RBFOX1: variants seen among roughly 807,000 people sequenced by gnomAD.
The protein encoded by RBFOX1 is RNA binding protein fox-1 homolog 1.
In RBFOX1, 8 loss-of-function variants were observed where a neutral mutation model predicts 57.7. That is an observed-to-expected ratio of 0.14 (90% confidence interval 0.08 to 0.25). The LOEUF is 0.25. Among genes scored for constraint, RBFOX1 ranks in the 10% least tolerant of loss-of-function variants. The pLI is 1.00. For synonymous variants in RBFOX1, 326 were observed against 222.4 expected, an observed-to-expected ratio of 1.47 and a Z score of -4.15; for missense variants, 611 against 548.5, an observed-to-expected ratio of 1.11 and a Z score of -1.14.
At chr16:7,006,817 A>T (rs28719484) in intron 3 of RBFOX1, among the ~76,000 whole-genome samples, 1 of 152,086 alleles carries the variant, frequency 6.6e-6, no homozygotes, top group Admixed American at 6.5e-5. Flanking sequence ...TCACCTGCCC[A>T]AGAACCCTCA....
At chr16:6,339,622 G>C (rs1168461502) in intron 2 of RBFOX1, among the ~76,000 whole-genome samples, 1 of 151,792 alleles carries the variant, frequency 6.6e-6, no homozygotes, top group Non-Finnish European at 1.5e-5. Context: ...TGTTGGATTT[G>C]ATAAACATCT....
At chr16:6,348,712 G>A (rs182845163) in intron 2 of RBFOX1, among the ~76,000 whole-genome samples, 18 of 152,120 alleles carry the variant, frequency 1.2e-4, no homozygotes, top group African/African-American at 4.3e-4. Context: ...TTAAACAACC[G>A]GATGTCCCGA....
chr16:6,317,043 C>G lies in RBFOX1; in HGVS notation c.-78C>G. 6.5e-7 allele frequency: 1 copy of G among 1,535,238 alleles called. No homozygotes were observed. Among genetic ancestry groups the G allele is most frequent in the Non-Finnish European group, 8.7e-7 (1 of 1,146,314 alleles). ...AAGTGGAACTTACAGCTTCCTTGAT[C>G]GGACTCAGCATTCAGTAAGTGCAAC... On this transcript the variant is annotated 5_prime_UTR_variant, in exon 2 of 16. The change creates a new upstream start codon in the 5' untranslated region. Coordinates refer to ENST00000550418, the MANE Select transcript of RBFOX1 (RefSeq NM_018723.4).
chr16:7,137,728 A>C (rs1250885972), intron 4 of RBFOX1, among the ~76,000 whole-genome samples: 1 of 152,210 alleles, frequency 6.6e-6, no homozygotes, highest in Non-Finnish European at 1.5e-5. Flanking sequence ...CAAAGGAATA[A>C]TGGTGGTAAA....
At chr16:6,808,330 C>G (rs111639622) in intron 3 of RBFOX1, among the ~76,000 whole-genome samples, 4,194 of 152,048 alleles carry the variant, frequency 0.028, 200 homozygotes, top group African/African-American at 0.095. Flanking sequence ...TGATTCCCAT[C>G]TGATTATGCC....
chr16:6,592,567 A>G (rs1327538686), intron 2 of RBFOX1, among the ~76,000 whole-genome samples: 5 of 152,230 alleles, frequency 3.3e-5, no homozygotes, highest in Admixed American at 6.5e-5. Context: ...ACAGGAGTCC[A>G]TATGCTGGCT....
At chr16:5,744,996 A>T (rs1189047426) in intron 3 of RBFOX1, among the ~76,000 whole-genome samples, 1 of 152,134 alleles carries the variant, frequency 6.6e-6, no homozygotes, top group African/African-American at 2.4e-5. Context: ...CACAACGTGC[A>T]GGTTTGTTAC....
intron 3 of RBFOX1, among the ~76,000 whole-genome samples, chr16:5,765,897 C>T (rs901381300): frequency 6.6e-6 from 1 of 152,128 alleles, no homozygotes; most frequent in African/African-American, 2.4e-5. Context: ...CCTTGGTTGT[C>T]AGTGAGGTAT....
At chr16:6,550,260 C>T (rs769637891) in intron 2 of RBFOX1, among the ~76,000 whole-genome samples, 3 of 152,116 alleles carry the variant, frequency 2.0e-5, no homozygotes, top group Admixed American at 1.3e-4. Flanking sequence ...TCACTGCAAC[C>T]TCCGCCTCCC....
At chr16:7,361,020 C>G (rs548441487) in intron 4 of RBFOX1, among the ~76,000 whole-genome samples, 2 of 152,174 alleles carry the variant, frequency 1.3e-5, no homozygotes, top group Admixed American at 1.3e-4. Context: ...TGGGAATCAA[C>G]CCAACCAGGA....
intron 3 of RBFOX1, among the ~76,000 whole-genome samples, chr16:5,628,829 C>G (rs1424169239): frequency 2.6e-5 from 4 of 152,214 alleles, no homozygotes; most frequent in African/African-American, 9.6e-5. Flanking sequence ...GCACCCTTGT[C>G]TGTCCTATTC....
At chr16:5,623,370 G>A (rs1458740163) in intron 3 of RBFOX1, among the ~76,000 whole-genome samples, 3 of 152,168 alleles carry the variant, frequency 2.0e-5, no homozygotes, top group South Asian at 2.1e-4. Context: ...TCCACAGTCA[G>A]TGATGTACTG....
intron 2 of RBFOX1, among the ~76,000 whole-genome samples, chr16:6,504,822 G>A (rs570566142): frequency 1.3e-5 from 2 of 152,194 alleles, no homozygotes; most frequent in East Asian, 1.9e-4. Flanking sequence ...TTGGGAGGCC[G>A]AGGTGGGTGA....
intron 1 of RBFOX1, among the ~76,000 whole-genome samples, chr16:6,050,621 T>C (rs1263847480): frequency 1.3e-5 from 2 of 152,148 alleles, no homozygotes; most frequent in African/African-American, 4.8e-5. Flanking sequence ...CCATGGATGC[T>C]CAATGCATTT....
intron 2 of RBFOX1, among the ~76,000 whole-genome samples, chr16:6,586,764 C>G (rs1356545113): frequency 1.3e-5 from 2 of 152,118 alleles, no homozygotes; most frequent in Non-Finnish European, 1.5e-5. Flanking sequence ...TAAGTCCCGG[C>G]CAGATCTCAG....
intron 1 of RBFOX1, among the ~76,000 whole-genome samples, chr16:6,060,558 A>G (rs1026231504): frequency 6.6e-6 from 1 of 152,178 alleles, no homozygotes; most frequent in African/African-American, 2.4e-5. Flanking sequence ...GCAGTTCCAT[A>G]TACTTTGATG....
chr16:6,672,534 A>C (rs1190464076), intron 3 of RBFOX1, among the ~76,000 whole-genome samples: 1 of 151,398 alleles, frequency 6.6e-6, no homozygotes, highest in South Asian at 2.1e-4. Flanking sequence ...AAGAAAAGAA[A>C]GAACAGGAGA....
chr16:7,502,083 T>A (rs760498749), intron 4 of RBFOX1, among the ~76,000 whole-genome samples: 1 of 151,912 alleles, frequency 6.6e-6, no homozygotes, highest in Non-Finnish European at 1.5e-5. Context: ...CTATCATTCA[T>A]TTTATGACAG....
At chr16:5,618,004 T>A (rs2048088318) in intron 3 of RBFOX1, among the ~76,000 whole-genome samples, 1 of 152,182 alleles carries the variant, frequency 6.6e-6, no homozygotes, top group African/African-American at 2.4e-5. Flanking sequence ...TTTTAAACAT[T>A]GAGGTATAAC....
Sources: allele counts gnomAD v4.1 joint callset (sites outside exome capture counted in the v4.1 genomes callset), GRCh38; gene constraint gnomAD v4.1.1; transcripts MANE v1.5; gene names NCBI Gene and HGNC (gene_info 2026-07-23, HGNC 2026-07-21).